The following SNURF variants were observed in gnomAD, a reference collection of about 807,000 sequenced individuals.
SNURF encodes the protein SNURF protein.
In SNURF, 6 loss-of-function variants were observed where a neutral mutation model predicts 11.6. The observed-to-expected ratio is 0.52, with a 90% CI of 0.28 to 1.02. The LOEUF is 1.02. Among genes scored for constraint, SNURF ranks in the 50% least tolerant of loss-of-function variants. SNURF has a pLI of 0.09. For synonymous variants in SNURF, 29 were observed against 31.6 expected (o/e 0.92, Z 0.27); for missense variants, 84 against 88.4 (o/e 0.95, Z 0.20).
At position 24,955,040 on chromosome 15, in the gene SNURF, A is replaced by C. The variant is rs370974348; in HGVS notation, c.-9A>C. 1.4e-5 allele frequency: 23 copies of C among 1,613,114 alleles called. 1 individual carries two copies. The highest frequency in any genetic ancestry group is 1.7e-5 in the Non-Finnish European group (20 of 1,180,008). On this transcript the variant is annotated 5_prime_UTR_variant, in exon 1 of 3. Transcript: ENST00000577949. The stretch of plus-strand genomic sequence containing the variant: ...TGACGCATCTGTCTGAGGAGCGGTC[A>C]GTGACGCGATGGAGCGGGCAAGGTC...
At chr15:24,956,274 C>G (rs1015866870) in intron 1 of SNURF, among the ~76,000 whole-genome samples, 17 of 149,762 alleles carry the variant, frequency 1.1e-4, no homozygotes, top group Admixed American at 1.0e-3. Context: ...ACCTGGGGGT[C>G]TGTGTTGCGT....
At chr15:24,968,319 GTTTT>G (rs997261284) in exon 3 of SNURF, 1 of 302,150 alleles carries the variant, frequency 3.3e-6, no homozygotes, top group Non-Finnish European at 6.2e-6. Flanking sequence ...TTTCTTTTGC[GTTTT>G]TTTTAATTAT....
chr15:24,957,794 C>T (rs567213832), intron 1 of SNURF, among the ~76,000 whole-genome samples: 1 of 152,130 alleles, frequency 6.6e-6, no homozygotes, highest in South Asian at 2.1e-4. Context: ...CTTGGTTTAA[C>T]TTCTGGTCAT....
chr15:24,955,031 G>A, exon 1 of SNURF: 1 of 1,613,024 alleles, frequency 6.2e-7, no homozygotes, highest in Non-Finnish European at 8.5e-7. Context: ...ATCTGTCTGA[G>A]GAGCGGTCAG....
intron 2 of SNURF, among the ~76,000 whole-genome samples, chr15:24,963,860 C>A (rs2075229167): frequency 6.6e-6 from 1 of 151,780 alleles, no homozygotes; most frequent in Non-Finnish European, 1.5e-5. Flanking sequence ...CATAGAGAGA[C>A]CTCCTCTCTA....
chr15:24,962,290 T>A, intron 2 of SNURF, 81 bp downstream of exon 2: 1 of 1,121,794 alleles, frequency 8.9e-7, no homozygotes, highest in Non-Finnish European at 1.3e-6. Context: ...AATGAGGGGA[T>A]TAAAATGAAC....
At chr15:24,976,358 T>C in exon 5 of SNURF, 1 of 1,613,332 alleles carries the variant, frequency 6.2e-7, no homozygotes, top group Middle Eastern at 1.7e-4. Context: ...TTGGGTCTGG[T>C]GTTGCTGCGT....
intron 1 of SNURF, chr15:24,958,651 C>T (rs955947579): frequency 2.6e-5 from 4 of 152,112 alleles, no homozygotes; most frequent in Admixed American, 2.0e-4. Context: ...TAATTCTCCT[C>T]AGATTTGTTT....
chr15:24,955,288 C>T (rs1166086771), intron 1 of SNURF, among the ~76,000 whole-genome samples: 4 of 151,982 alleles, frequency 2.6e-5, no homozygotes, highest in African/African-American at 9.7e-5. Context: ...CCCCCATCCG[C>T]CCCCAACTGT....
At chr15:24,970,806 G>C (rs909117136), downstream of SNURF, among the ~76,000 whole-genome samples, 1 of 152,088 alleles carries the variant, frequency 6.6e-6, no homozygotes, top group Non-Finnish European at 1.5e-5. Context: ...TTGTATTCTG[G>C]TGTTTTTTTG....
chr15:24,964,057 A>G (rs889261947), intron 2 of SNURF, among the ~76,000 whole-genome samples: 6 of 152,048 alleles, frequency 3.9e-5, no homozygotes, highest in Non-Finnish European at 8.8e-5. Flanking sequence ...GTTGTAAAAC[A>G]TCTGTTAGCA....
At chr15:24,961,530 A>G (rs2074808058) in intron 1 of SNURF, among the ~76,000 whole-genome samples, 1 of 152,148 alleles carries the variant, frequency 6.6e-6, no homozygotes, top group Admixed American at 6.6e-5. Context: ...GGGGTTCTGC[A>G]GACGTAACAT....
At chr15:24,957,152 T>G (rs2063070937) in intron 1 of SNURF, among the ~76,000 whole-genome samples, 1 of 152,202 alleles carries the variant, frequency 6.6e-6, no homozygotes, top group African/African-American at 2.4e-5. Flanking sequence ...CCATTTAAGA[T>G]TCAGTTATCC....
downstream of SNURF, among the ~76,000 whole-genome samples, chr15:24,973,045 A>G (rs1394182288): frequency 1.3e-5 from 2 of 151,646 alleles, 1 homozygote; most frequent in African/African-American, 4.8e-5. Context: ...CTGCCACCAC[A>G]CCCAGCTAAT....
intron 6 of SNURF, chr15:24,977,124 TG>T: frequency 4.1e-6 from 4 of 974,046 alleles, no homozygotes; most frequent in Non-Finnish European, 5.9e-6. Context: ...TGTCATACAA[TG>T]TAAACAGCAT....
At chr15:24,964,383 A>T (rs1463022878) in intron 2 of SNURF, among the ~76,000 whole-genome samples, 1 of 151,994 alleles carries the variant, frequency 6.6e-6, no homozygotes, top group Non-Finnish European at 1.5e-5. Context: ...ACCTCCGCCT[A>T]CCAAGTTCAA....
At chr15:24,975,686 C>T (rs574000711) in intron 4 of SNURF, among the ~76,000 whole-genome samples, 3 of 152,284 alleles carry the variant, frequency 2.0e-5, no homozygotes, top group African/African-American at 4.8e-5. Context: ...TGCATCTGAA[C>T]TCTTTTAAGT....
chr15:24,970,468 A>C (rs957273115), downstream of SNURF, among the ~76,000 whole-genome samples: 4 of 151,906 alleles, frequency 2.6e-5, no homozygotes, highest in Non-Finnish European at 5.9e-5. Context: ...AATCCCAGCT[A>C]CTCGGGAGGC....
chr15:24,969,800 G>A (rs1566968907), downstream of SNURF, among the ~76,000 whole-genome samples: 1 of 152,154 alleles, frequency 6.6e-6, no homozygotes, highest in Non-Finnish European at 1.5e-5. Flanking sequence ...TGTAGAAGAA[G>A]GGTTGGTAAT....
Sources: allele counts gnomAD v4.1 joint callset (sites outside exome capture counted in the v4.1 genomes callset), GRCh38; gene constraint gnomAD v4.1.1; transcripts MANE v1.5; gene names NCBI Gene and HGNC (gene_info 2026-07-23, HGNC 2026-07-21).